The following IKZF2 variants were observed in gnomAD, a reference collection of about 807,000 sequenced individuals.
IKZF2 encodes zinc finger protein Helios.
IKZF2 carries 15 observed loss-of-function variants against 49.2 expected under a neutral mutation model. The observed-to-expected ratio is 0.30, with a 90% confidence interval of 0.20 to 0.47. IKZF2 has a LOEUF of 0.47. Ranked by LOEUF, IKZF2 falls within the 20% of genes least tolerant of loss-of-function variation. IKZF2 has a pLI of 1.00. For synonymous variants in IKZF2, 227 were observed against 221.4 expected, an observed-to-expected ratio of 1.03 and a Z score of -0.23; for missense variants, 567 against 664.6, an observed-to-expected ratio of 0.85 and a Z score of 1.61.
At chr2:213,086,025 C>T (rs1240792832) in intron 4 of IKZF2, among the ~76,000 whole-genome samples, 1 of 151,956 alleles carries the variant, frequency 6.6e-6, no homozygotes, top group Non-Finnish European at 1.5e-5. Context: ...ATTGCTAACC[C>T]AAACTGAGGG....
At chr2:213,029,146 A>T (rs1414563356) in intron 6 of IKZF2, among the ~76,000 whole-genome samples, 1 of 151,916 alleles carries the variant, frequency 6.6e-6, no homozygotes. Flanking sequence ...AATGTCTTTG[A>T]TTTTGGTGTC....
At chr2:213,076,589 T>C (rs566814713) in intron 4 of IKZF2, among the ~76,000 whole-genome samples, 1 of 152,348 alleles carries the variant, frequency 6.6e-6, no homozygotes, top group Non-Finnish European at 1.5e-5. Flanking sequence ...GTTATTATAA[T>C]ATTTTTGGAA....
At chr2:213,138,473 C>A (rs1369723536) in intron 4 of IKZF2, among the ~76,000 whole-genome samples, 1 of 151,864 alleles carries the variant, frequency 6.6e-6, no homozygotes, top group Admixed American at 6.6e-5. Context: ...ACTAAGAAAT[C>A]AAGTTTCCAA....
intron 6 of IKZF2, among the ~76,000 whole-genome samples, chr2:213,025,689 T>C (rs950478820): frequency 2.6e-5 from 4 of 152,100 alleles, no homozygotes; most frequent in Non-Finnish European, 5.9e-5. Flanking sequence ...CTCATGGATA[T>C]TCCCCCAAAA....
intron 4 of IKZF2, among the ~76,000 whole-genome samples, chr2:213,097,222 G>A (rs191769449): frequency 4.0e-5 from 6 of 151,726 alleles, no homozygotes; most frequent in Admixed American, 3.3e-4. Flanking sequence ...TAAAAAATAT[G>A]CAATAGTTGG....
intron 4 of IKZF2, among the ~76,000 whole-genome samples, chr2:213,140,237 GT>G (rs1559325782): frequency 6.6e-6 from 1 of 151,834 alleles, no homozygotes; most frequent in Non-Finnish European, 1.5e-5. Context: ...ATGGAATTCT[GT>G]AATAAATATT....
chr2:213,063,065 A>C (rs1701853538), intron 4 of IKZF2, among the ~76,000 whole-genome samples: 1 of 152,052 alleles, frequency 6.6e-6, no homozygotes. Context: ...TGGATAAATA[A>C]ATGGATGAGT....
intron 4 of IKZF2, among the ~76,000 whole-genome samples, chr2:213,136,357 C>T (rs192397171): frequency 0.019 from 1,925 of 102,744 alleles, 14 homozygotes; most frequent in Middle Eastern, 0.078. Context: ...GGTGACAGAG[C>T]GGGACACTGT....
At chr2:213,076,924 G>T (rs1433615511) in intron 4 of IKZF2, among the ~76,000 whole-genome samples, 2 of 152,006 alleles carry the variant, frequency 1.3e-5, no homozygotes, top group African/African-American at 2.4e-5. Context: ...ATAAATAAAA[G>T]AAATAAAAGT....
intron 4 of IKZF2, among the ~76,000 whole-genome samples, chr2:213,093,030 T>C (rs960241126): frequency 2.0e-5 from 3 of 152,204 alleles, no homozygotes; most frequent in Admixed American, 1.3e-4. Context: ...TTCTGCTCTA[T>C]GACAATGATT....
intron 4 of IKZF2, among the ~76,000 whole-genome samples, chr2:213,079,614 T>C (rs1327491196): frequency 1.3e-5 from 2 of 152,080 alleles, no homozygotes; most frequent in South Asian, 2.1e-4. Context: ...ACCATCTCCA[T>C]AAATTTCTTG....
chr2:213,005,944 T>C lies in IKZF2; in HGVS notation c.*1416A>G, dbSNP rs1253687108. The stretch of plus-strand genomic sequence containing the variant: ...ATTAAATGTTTTGGAAACAGAAAAA[T>C]GTGCAGGACTTTCCTTTGGGGGTTC... On this transcript the variant is annotated 3_prime_UTR_variant, in exon 9 of 9. Transcript: ENST00000434687. 6.6e-6 allele frequency: 1 copy of C among 152,054 alleles called. No homozygotes were observed. The highest frequency in any genetic ancestry group is 1.5e-5 in the Non-Finnish European group (1 of 67,972). 9.4% of individuals were successfully genotyped at this position (152,054 alleles called of 1,614,324 possible).
intron 6 of IKZF2, among the ~76,000 whole-genome samples, chr2:213,035,345 T>G (rs992653724): frequency 2.6e-5 from 4 of 152,146 alleles, no homozygotes; most frequent in African/African-American, 9.7e-5. Context: ...AAATGTAAGC[T>G]CCACAAAGAC....
intron 4 of IKZF2, among the ~76,000 whole-genome samples, chr2:213,133,963 T>C (rs2060566775): frequency 6.6e-6 from 1 of 152,216 alleles, no homozygotes; most frequent in African/African-American, 2.4e-5. Context: ...TTATTGTTAT[T>C]TATGGGCTTA....
At chr2:213,049,129 AT>A (rs930842122) in intron 6 of IKZF2, among the ~76,000 whole-genome samples, 6 of 151,900 alleles carry the variant, frequency 3.9e-5, no homozygotes, top group Non-Finnish European at 7.4e-5. Context: ...CATATTCTAC[AT>A]TTTTTAAATG....
At chr2:213,115,823 A>G (rs1438892922) in intron 4 of IKZF2, among the ~76,000 whole-genome samples, 1 of 152,230 alleles carries the variant, frequency 6.6e-6, no homozygotes, top group South Asian at 2.1e-4. Flanking sequence ...AAATATTCAC[A>G]TGGTGTAATA....
chr2:213,092,319 T>C (rs1705439389), intron 4 of IKZF2, among the ~76,000 whole-genome samples: 1 of 152,212 alleles, frequency 6.6e-6, no homozygotes, highest in South Asian at 2.1e-4. Context: ...TGAGCCACTG[T>C]GCCTGGCCTA....
At chr2:213,128,634 T>C (rs2060350059) in intron 4 of IKZF2, among the ~76,000 whole-genome samples, 1 of 151,704 alleles carries the variant, frequency 6.6e-6, no homozygotes, top group Non-Finnish European at 1.5e-5. Flanking sequence ...TTGTTGTTGT[T>C]GTTGTTTTTC....
At chr2:213,092,143 A>G (rs1236865271) in intron 4 of IKZF2, among the ~76,000 whole-genome samples, 1 of 152,126 alleles carries the variant, frequency 6.6e-6, no homozygotes, top group Non-Finnish European at 1.5e-5. Context: ...TTCCCTCCTC[A>G]GTCTCCTGAG....
Sources: allele counts gnomAD v4.1 joint callset (sites outside exome capture counted in the v4.1 genomes callset), GRCh38; gene constraint gnomAD v4.1.1; transcripts MANE v1.5; gene names NCBI Gene and HGNC (gene_info 2026-07-23, HGNC 2026-07-21).